The following CXorf58 variants were observed in gnomAD, a reference collection of about 807,000 sequenced individuals.
CXorf58 encodes the protein chromosome X open reading frame 58.
Under a neutral mutation model 26.0 loss-of-function variants are expected in CXorf58, and 24 were observed. The observed-to-expected ratio is 0.92, with a 90% CI of 0.67 to 1.30. The LOEUF is 1.30. CXorf58 is among the 50% of genes most tolerant of loss of function. CXorf58 has a pLI of 0.00. For synonymous variants in CXorf58, 87 were observed against 86.1 expected (o/e 1.01, Z -0.06); for missense variants, 236 against 263.9 (o/e 0.89, Z 0.73).
At chrX:23,910,884 G>A (rs1322140839) in intron 2 of CXorf58, among the ~76,000 whole-genome samples, 2 of 103,920 alleles carry the variant, frequency 1.9e-5, no homozygotes, top group African/African-American at 3.6e-5. Context: ...TCCTGCCTCA[G>A]CCTTCCGAGT....
chrX:23,922,235 G>C (rs1343533924), intron 5 of CXorf58, among the ~76,000 whole-genome samples: 1 of 109,556 alleles, frequency 9.1e-6, no homozygotes, highest in Non-Finnish European at 1.9e-5. Flanking sequence ...TTAGCCAAGC[G>C]CGGTGGCACG....
At chrX:23,937,889 ATT>A (rs753150925) in intron 7 of CXorf58, among the ~76,000 whole-genome samples, 1 of 100,883 alleles carries the variant, frequency 9.9e-6, no homozygotes. Flanking sequence ...ATGAAATGTA[ATT>A]TTTTTTTTTT....
At chrX:23,918,942 C>T (rs1380240412) in intron 5 of CXorf58, among the ~76,000 whole-genome samples, 1 of 112,257 alleles carries the variant, frequency 8.9e-6, no homozygotes, top group Non-Finnish European at 1.9e-5. Flanking sequence ...TGCTGCCAGA[C>T]GTATTGGAAC....
chrX:23,913,805 C>T (rs73625192), intron 3 of CXorf58, among the ~76,000 whole-genome samples: 172 of 109,480 alleles, frequency 1.6e-3, no homozygotes, highest in African/African-American at 5.5e-3. Flanking sequence ...TACCTTGAAC[C>T]GGGGAGGTGG....
intron 6 of CXorf58, 37 bp from the exon 7 acceptor site, chrX:23,935,159 C>A: frequency 9.1e-7 from 1 of 1,104,789 alleles, no homozygotes; most frequent in Non-Finnish European, 1.2e-6. Flanking sequence ...AGCCACCGCA[C>A]CTGGCCAACT....
chrX:23,910,273 G>T lies in CXorf58; in HGVS notation c.-20-10G>T, dbSNP rs773222705. 4.3e-6 allele frequency: 4 copies of T among 921,653 alleles called. No homozygotes were observed. In the Admixed American group the frequency reaches 9.6e-5, roughly 22 times the overall value. 76.0% of individuals were successfully genotyped at this position (921,653 alleles called of 1,213,427 possible). ...TTATGACCTCAAAGGGTTAATTTAT[G>T]TACTTTCAGATTACTTCATTGGAGG... is the stretch of plus-strand genomic sequence containing the variant. On this transcript the variant is annotated splice_polypyrimidine_tract_variant and intron_variant, in intron 1 of 8. Coordinates refer to ENST00000379211, the MANE Select transcript of CXorf58 (RefSeq NM_152761.3).
intron 6 of CXorf58, among the ~76,000 whole-genome samples, chrX:23,932,205 C>T (rs893253034): frequency 8.9e-6 from 1 of 112,527 alleles, no homozygotes; most frequent in Admixed American, 9.4e-5. Flanking sequence ...TTATTCTTTG[C>T]ACTTTAAATG....
intron 5 of CXorf58, among the ~76,000 whole-genome samples, chrX:23,924,315 T>A (rs1441814047): frequency 9.8e-6 from 1 of 102,110 alleles, no homozygotes; most frequent in East Asian, 3.0e-4. Context: ...TATTTATTTA[T>A]TTATTTATTT....
chrX:23,922,495 C>T (rs968092878), intron 5 of CXorf58, among the ~76,000 whole-genome samples: 1 of 112,133 alleles, frequency 8.9e-6, no homozygotes, highest in Non-Finnish European at 1.9e-5. Context: ...CAGTTCTTAA[C>T]CACTCCTGAG....
At chrX:23,938,397 T>A in intron 7 of CXorf58, 150 bp from the exon 8 acceptor site, 1 of 399,906 alleles carries the variant, frequency 2.5e-6, no homozygotes, top group South Asian at 7.8e-5. Context: ...ATGATAACTT[T>A]AACCTAAAAG....
Position 23,938,532 on chromosome X carries a change from A to G in CXorf58, c.786-15A>G, listed in dbSNP as rs775281194. The G allele has an allele frequency of 9.2e-7, 1 of 1,092,657 alleles. No homozygotes were observed. Among genetic ancestry groups the G allele is most frequent in the East Asian group, 3.2e-5 (1 of 30,773 alleles). The allele number at this position is 1,092,657 out of a possible 1,213,427, so 90.0% of individuals were successfully genotyped here. On this transcript the variant is annotated splice_polypyrimidine_tract_variant and intron_variant, in intron 7 of 8. Coordinates refer to ENST00000379211, the MANE Select transcript of CXorf58 (RefSeq NM_152761.3). The stretch of plus-strand genomic sequence containing the variant: ...TCTGTGTGATTTTTCTGTTTTTAAT[A>G]CAAACATTTTCTAGGGGTCCATACT...
At chrX:23,920,763 C>T (rs775444709) in intron 5 of CXorf58, among the ~76,000 whole-genome samples, 3 of 106,396 alleles carry the variant, frequency 2.8e-5, no homozygotes, top group Admixed American at 1.0e-4. Context: ...TGGTGGTGGG[C>T]GCCTGTAATC....
At chrX:23,926,938 G>C (rs775910127) in intron 5 of CXorf58, among the ~76,000 whole-genome samples, 48 of 111,501 alleles carry the variant, frequency 4.3e-4, no homozygotes, top group African/African-American at 1.6e-3. Flanking sequence ...AGAATCGCTT[G>C]AACCCAGGAG....
chrX:23,912,475 A>G (rs1488702969), intron 3 of CXorf58, among the ~76,000 whole-genome samples: 1 of 111,096 alleles, frequency 9.0e-6, no homozygotes, highest in Non-Finnish European at 1.9e-5. Flanking sequence ...CGAATCTGCA[A>G]GGTGCAGCAT....
chrX:23,913,537 A>G (rs1927638060), intron 3 of CXorf58, among the ~76,000 whole-genome samples: 1 of 111,540 alleles, frequency 9.0e-6, no homozygotes. Context: ...AAAAAATAAT[A>G]AAGTCTGAGC....
intron 6 of CXorf58, among the ~76,000 whole-genome samples, chrX:23,929,528 G>A (rs777734399): frequency 3.6e-5 from 4 of 112,034 alleles, no homozygotes; most frequent in Non-Finnish European, 7.5e-5. Flanking sequence ...TCAGAGAGGT[G>A]AGAAAGCTGC....
Position 23,916,300 on chromosome X carries a change from GA to G in CXorf58, c.401del (p.Asn134MetfsTer3), listed in dbSNP as rs747666069. On this transcript the variant is annotated frameshift_variant, in exon 5 of 9. Transcript: ENST00000379211. LOFTEE classifies it high-confidence loss of function. ...TDGHGYKYFS[G>X]KNVLMPSSKA... Reference sequence around the variant, plus strand: ...GGCCATGGTTACAAGTATTTTAGTGGAAAAAATGTATTAATGCCGTCAAGTA... The same window carrying G: ...GGCCATGGTTACAAGTATTTTAGTGGAAAAATGTATTAATGCCGTCAAGTA... The G allele has an allele frequency of 2.6e-5, 31 of 1,187,990 alleles. No homozygotes were observed. Among genetic ancestry groups the G allele is most frequent in the Non-Finnish European group, 3.0e-5 (26 of 878,990 alleles).
chrX:23,924,194 C>T lies in CXorf58; in HGVS notation c.424-3045C>T, dbSNP rs1027782605. ...TTCATACCTGTTCAGTGTACAATTACTTGTTTTTACCTTTAGTGTCACTGT... is the reference window on the plus strand; with the variant it reads ...TTCATACCTGTTCAGTGTACAATTATTTGTTTTTACCTTTAGTGTCACTGT... On this transcript the variant is annotated intron_variant, in intron 5 of 8. Coordinates refer to ENST00000379211, the MANE Select transcript of CXorf58 (RefSeq NM_152761.3). Among the ~76,000 whole-genome samples, 4 of 111,971 alleles carry T rather than the reference C, an allele frequency of 3.6e-5. No homozygotes were observed. The Admixed American group carries it at 3.8e-4, about 11-fold the overall frequency.
At chrX:23,910,834 C>T (rs570274549) in intron 2 of CXorf58, among the ~76,000 whole-genome samples, 3 of 94,409 alleles carry the variant, frequency 3.2e-5, no homozygotes, top group Non-Finnish European at 6.1e-5. Context: ...GGTGCGATCT[C>T]GGCTCACTGC....
Sources: gnomAD v4.1 joint callset for allele counts (sites outside exome capture counted in the v4.1 genomes callset) on GRCh38, gnomAD v4.1.1 for gene constraint, MANE v1.5 for transcripts, NCBI Gene and HGNC (gene_info 2026-07-23, HGNC 2026-07-21) for gene names.